Variants in SCN8A observed in about 807,000 individuals in gnomAD.
SCN8A encodes the protein sodium voltage-gated channel alpha subunit 8.
Under a neutral mutation model 184.1 loss-of-function variants are expected in SCN8A, and 30 were observed. The ratio of observed to expected loss-of-function variants is 0.16; its 90% CI spans 0.12 to 0.22. The LOEUF (loss-of-function observed/expected upper bound fraction) is 0.22. SCN8A is among the 10% of genes least tolerant of loss of function. The pLI is 1.00. For missense variants in SCN8A, 1,057 were observed against 2,498.9 expected (o/e 0.42, Z 12.30); for synonymous variants, 852 against 907.0 (o/e 0.94, Z 1.09).
At chr12:51,721,348 G>A (rs1329543303) in intron 11 of SCN8A, among the ~76,000 whole-genome samples, 198 bp from the exon 12 acceptor site, 4 of 151,938 alleles carry the variant, frequency 2.6e-5, no homozygotes, top group Non-Finnish European at 5.9e-5. Context: ...TCCGTAACTG[G>A]TCAAGCACAG....
intron 2 of SCN8A, among the ~76,000 whole-genome samples, chr12:51,671,617 GATT>G (rs996402246): frequency 6.6e-6 from 1 of 152,158 alleles, no homozygotes; most frequent in Non-Finnish European, 1.5e-5. Flanking sequence ...AATGTTTCAA[GATT>G]ATGATAATAT....
In SCN8A at chr12:51,724,769, T is replaced by C. The variant is rs373897803; in HGVS notation, c.1998+2861T>C. ...CAAATAATGCAGCTTGCCTTTTCTC[T>C]GAATAAAAAGGTATTAGAGAAGGTA... On this transcript the variant is annotated intron_variant, in intron 12 of 26. Coordinates refer to ENST00000627620, the MANE Select transcript of SCN8A (RefSeq NM_001330260.2). 1.2e-4 allele frequency among the ~76,000 whole-genome samples: 19 copies of C among 152,354 alleles called. 1 individual carries two copies. The East Asian group carries it at 2.9e-3, about 23-fold the overall frequency.
chr12:51,689,177 G>A (rs2138717052), intron 6 of SCN8A, 81 bp downstream of exon 6: 1 of 1,070,170 alleles, frequency 9.3e-7, no homozygotes, highest in East Asian at 2.6e-5. Flanking sequence ...TTCTAAAGCA[G>A]CATCAGTACA....
In SCN8A at chr12:51,809,345, A is replaced by G. The variant is rs188145756; in HGVS notation, c.*1916A>G. ...TCCTGAACCATACACTAGAGGGGGA[A>G]GAAGAACCAACCCATAATCAGACAC... On this transcript the variant is annotated 3_prime_UTR_variant, in exon 27 of 27. Coordinates refer to ENST00000627620, the MANE Select transcript of SCN8A (RefSeq NM_001330260.2). 6.6e-6 allele frequency: 1 copy of G among 152,366 alleles called. No homozygotes were observed. The highest frequency in any genetic ancestry group is 2.4e-5 in the African/African-American group (1 of 41,582). The allele number at this position is 152,366 out of a possible 1,614,324, so 9.4% of individuals were successfully genotyped here. A position where few individuals can be genotyped will look rare whatever the true frequency, so the allele number is the denominator to read the frequency against.
chr12:51,669,122 A>G (rs1014313212), intron 2 of SCN8A, among the ~76,000 whole-genome samples: 2 of 152,248 alleles, frequency 1.3e-5, no homozygotes, highest in Non-Finnish European at 2.9e-5. Flanking sequence ...ATTGTGCTAT[A>G]GCTACAACTT....
In SCN8A at chr12:51,641,556, G is replaced by C. The variant is rs191149270; in HGVS notation, c.-54-21208G>C. Reference sequence around the variant, plus strand: ...TGATCTTGTCATATGGTGGTCAGGAGATTCCAGTTGGAAAGTAGTTGTGAA... The same window carrying C: ...TGATCTTGTCATATGGTGGTCAGGACATTCCAGTTGGAAAGTAGTTGTGAA... On this transcript the variant is annotated intron_variant, in intron 1 of 26. Transcript: ENST00000627620. Among the ~76,000 whole-genome samples, 159 of 152,338 alleles carry C rather than the reference G, an allele frequency of 1.0e-3. 2 individuals carry two copies. The highest frequency in any genetic ancestry group is 3.6e-3 in the African/African-American group (151 of 41,572).
At position 51,678,139 on chromosome 12, in the gene SCN8A, C is replaced by CATA. The variant is rs574179525; in HGVS notation, c.277-6034_277-6032dup. On this transcript the variant is annotated intron_variant, in intron 2 of 26. Coordinates refer to ENST00000627620, the MANE Select transcript of SCN8A (RefSeq NM_001330260.2). ...TAATCAGCCATATGAAACATATATA[C>CATA]ATATATCTCTCTCAAAGTCAACCCA... 9.8e-5 allele frequency among the ~76,000 whole-genome samples: 15 copies of CATA among 152,304 alleles called. No individual in the cohort carries two copies. In the East Asian group the frequency reaches 1.5e-3, roughly 16 times the overall value.
intron 22 of SCN8A, among the ~76,000 whole-genome samples, chr12:51,787,430 A>G (rs1339648653): frequency 6.6e-6 from 1 of 152,226 alleles, no homozygotes; most frequent in Non-Finnish European, 1.5e-5. Flanking sequence ...GTGTGACAAG[A>G]CAACATAATG....
chr12:51,659,428 G>C (rs1411263201), intron 1 of SCN8A, among the ~76,000 whole-genome samples: 2 of 152,104 alleles, frequency 1.3e-5, no homozygotes, highest in African/African-American at 2.4e-5. Flanking sequence ...TGCACTTAAG[G>C]TTTGCATACT....
Position 51,806,449 on chromosome 12 carries a change from G to A in SCN8A, c.4963G>A (p.Gly1655Ser), listed in dbSNP as rs1938704842. 1 of 1,614,014 alleles carries A rather than the reference G, an allele frequency of 6.2e-7. No individual in the cohort carries two copies. The highest frequency in any genetic ancestry group is 1.3e-5 in the African/African-American group (1 of 74,894). ...GTCCTTGCCTGCCCTGTTCAACATCGGCCTTCTGCTCTTCCTGGTCATGTT... is the reference window on the plus strand; with the variant it reads ...GTCCTTGCCTGCCCTGTTCAACATCAGCCTTCTGCTCTTCCTGGTCATGTT... ...MMSLPALFNIGLLLFLVMFIF... is the reference protein window; with the variant it reads ...MMSLPALFNISLLLFLVMFIF... Residue 1655 changes from glycine (G) to serine (S), a missense_variant, in exon 27 of 27, where the codon GGC (glycine) becomes AGC (serine). Physicochemically the swap from Gly to Ser is moderately conservative, Grantham distance 56. This residue lies in a region of SCN8A where 7 missense variants were observed against 92.0 expected (regional missense o/e 0.08). Coordinates refer to ENST00000627620, the MANE Select transcript of SCN8A (RefSeq NM_001330260.2). This position sits in a 1 kb window ranked among gnomAD's most constrained non-coding sequence, Gnocchi z 8.7.
intron 1 of SCN8A, among the ~76,000 whole-genome samples, chr12:51,616,419 G>T (rs1939837520): frequency 6.6e-6 from 1 of 152,094 alleles, no homozygotes; most frequent in Non-Finnish European, 1.5e-5. Flanking sequence ...GACCAGCCTG[G>T]CTAACATGGT....
At chr12:51,735,910 T>C (rs1349645058) in intron 12 of SCN8A, among the ~76,000 whole-genome samples, 1 of 152,234 alleles carries the variant, frequency 6.6e-6, no homozygotes, top group Non-Finnish European at 1.5e-5. Flanking sequence ...CTTTTTGTTA[T>C]TGGCTCTGTC....
At chr12:51,622,225 T>C (rs1218396207) in intron 1 of SCN8A, among the ~76,000 whole-genome samples, 1 of 152,236 alleles carries the variant, frequency 6.6e-6, no homozygotes, top group East Asian at 1.9e-4. Flanking sequence ...AATTCCTGTA[T>C]ATGCCTCACC....
chr12:51,805,218 G>T (rs558817293), intron 26 of SCN8A, among the ~76,000 whole-genome samples: 33 of 152,212 alleles, frequency 2.2e-4, no homozygotes, highest in African/African-American at 7.2e-4. Flanking sequence ...CAACATGAGG[G>T]ATCAGTCTCA....
intron 12 of SCN8A, among the ~76,000 whole-genome samples, chr12:51,730,406 A>G (rs1393300144): frequency 6.6e-6 from 1 of 152,216 alleles, no homozygotes; most frequent in Non-Finnish European, 1.5e-5. Context: ...TTATGCCAAT[A>G]TACATTTGTC....
At chr12:51,790,880 C>T (rs565163549) in intron 25 of SCN8A, among the ~76,000 whole-genome samples, 3 of 152,340 alleles carry the variant, frequency 2.0e-5, no homozygotes, top group Admixed American at 1.3e-4. Flanking sequence ...TTTTCAGCTT[C>T]TCTCTGCTCA....
intron 11 of SCN8A, among the ~76,000 whole-genome samples, chr12:51,714,363 A>AATTTTC (rs71092718): frequency 0.77 from 117,060 of 151,466 alleles, 47,069 homozygotes; most frequent in East Asian, 0.9. Flanking sequence ...TCATTTGAGA[A>AATTTTC]ATTTCCTGAG....
Position 51,776,459 on chromosome 12 carries a change from A to G in SCN8A, c.3819+2097A>G, listed in dbSNP as rs144112985. ...TCTGTGCCAGTTATTAGTAAATAAT[A>G]TAGTTGAATGCCATTATCTGTGTAG... On this transcript the variant is annotated intron_variant, in intron 20 of 26. Transcript: ENST00000627620. 3.9e-4 allele frequency among the ~76,000 whole-genome samples: 59 copies of G among 152,332 alleles called. 1 individual carries two copies. The East Asian group carries it at 9.8e-3, about 25-fold the overall frequency.
At chr12:51,593,743 C>G (rs1939284398) in intron 1 of SCN8A, among the ~76,000 whole-genome samples, 1 of 152,108 alleles carries the variant, frequency 6.6e-6, no homozygotes, top group Non-Finnish European at 1.5e-5. Context: ...ACATGCGCAG[C>G]TGGGTTTGTA....
Sources: gnomAD v4.1 joint callset for allele counts (sites outside exome capture counted in the v4.1 genomes callset) on GRCh38, gnomAD v4.1.1 for gene constraint, gnomAD v4.1.1 regional missense constraint, Gnocchi (gnomAD v3.1) non-coding constraint, MANE v1.5 for transcripts, NCBI Gene and HGNC (gene_info 2026-07-23, HGNC 2026-07-21) for gene names.